FRK: variants seen among roughly 807,000 people sequenced by gnomAD.
The protein encoded by FRK is tyrosine-protein kinase FRK.
FRK carries 51 observed loss-of-function variants against 56.4 expected under a neutral mutation model. The observed-to-expected ratio is 0.90, with a 90% CI of 0.72 to 1.14. FRK has a LOEUF of 1.14. Ranked by LOEUF, FRK falls within the 50% of genes most tolerant of loss-of-function variation. FRK has a pLI of 0.00. For missense variants in FRK, 570 were observed against 601.4 expected (o/e 0.95, Z 0.55); for synonymous variants, 245 against 217.9 (o/e 1.12, Z -1.10).
At chr6:116,054,425 T>C (rs2114823553) in intron 1 of FRK, among the ~76,000 whole-genome samples, 1 of 145,282 alleles carries the variant, frequency 6.9e-6, no homozygotes, top group South Asian at 2.1e-4. Flanking sequence ...GTATTATTTA[T>C]ATAGTATATT....
chr6:115,960,306 C>A (rs1322451768), intron 4 of FRK, among the ~76,000 whole-genome samples: 1 of 150,934 alleles, frequency 6.6e-6, no homozygotes, highest in Non-Finnish European at 1.5e-5. Flanking sequence ...AAAATCGGGT[C>A]ACTCCCACCC....
At chr6:116,096,659 C>G in the FRK span, among the ~76,000 whole-genome samples, 10 of 151,886 alleles carry the variant, frequency 6.6e-5, no homozygotes, top group Non-Finnish European at 1.2e-4. Flanking sequence ...GACCAATCAG[C>G]ACTCTATAAA....
chr6:115,980,299 C>T (rs1023750796), intron 2 of FRK, among the ~76,000 whole-genome samples: 35 of 152,050 alleles, frequency 2.3e-4, no homozygotes, highest in Admixed American at 1.0e-3. Context: ...AATTCAGAGT[C>T]GTTTTTAAAA....
At chr6:116,025,827 C>T (rs964073607) in intron 1 of FRK, among the ~76,000 whole-genome samples, 1 of 152,132 alleles carries the variant, frequency 6.6e-6, no homozygotes, top group African/African-American at 2.4e-5. Context: ...AGCTATAGTT[C>T]TCTGTTTATG....
chr6:115,957,380 A>T (rs556595635), intron 4 of FRK, among the ~76,000 whole-genome samples: 22 of 152,350 alleles, frequency 1.4e-4, no homozygotes, highest in African/African-American at 5.1e-4. Flanking sequence ...AAGAGGAGGA[A>T]GATTATCTGG....
chr6:116,086,024 G>GA, the FRK span, among the ~76,000 whole-genome samples: 1 of 117,600 alleles, frequency 8.5e-6, no homozygotes, highest in African/African-American at 3.3e-5. Flanking sequence ...TTTTTTTTTT[G>GA]AGACAGAGTC....
intron 1 of FRK, among the ~76,000 whole-genome samples, chr6:116,021,360 A>T (rs1287710337): frequency 1.3e-5 from 2 of 152,130 alleles, no homozygotes; most frequent in Admixed American, 6.5e-5. Context: ...ATGTATCATG[A>T]GGAAACGTTT....
At chr6:116,023,142 A>C (rs1171750519) in intron 1 of FRK, among the ~76,000 whole-genome samples, 1 of 152,224 alleles carries the variant, frequency 6.6e-6, no homozygotes, top group Non-Finnish European at 1.5e-5. Flanking sequence ...TAACAAAAAA[A>C]CTAACAATAC....
chr6:115,973,350 T>C (rs1360757473), intron 2 of FRK, among the ~76,000 whole-genome samples: 1 of 151,246 alleles, frequency 6.6e-6, no homozygotes, highest in African/African-American at 2.4e-5. Context: ...TAAATGGGAG[T>C]TGAACAATGA....
the FRK span, among the ~76,000 whole-genome samples, chr6:116,087,626 C>A: frequency 6.6e-6 from 1 of 152,212 alleles, no homozygotes; most frequent in Non-Finnish European, 1.5e-5. Context: ...ACAGATGGAA[C>A]AGAAAGAGAA....
intron 5 of FRK, among the ~76,000 whole-genome samples, chr6:115,953,146 G>A (rs1257250147): frequency 6.7e-6 from 1 of 148,298 alleles, no homozygotes; most frequent in African/African-American, 2.5e-5. Flanking sequence ...TATCATGATG[G>A]GCTACTTAAG....
At chr6:115,995,911 T>G (rs367609923) in intron 2 of FRK, among the ~76,000 whole-genome samples, 2 of 152,290 alleles carry the variant, frequency 1.3e-5, no homozygotes, top group Admixed American at 6.5e-5. Flanking sequence ...GCAATGATAT[T>G]TGCAATTTAG....
At chr6:116,001,742 T>C (rs1458052616) in intron 2 of FRK, among the ~76,000 whole-genome samples, 1 of 152,206 alleles carries the variant, frequency 6.6e-6, no homozygotes, top group Non-Finnish European at 1.5e-5. Flanking sequence ...CCCTTTGTTC[T>C]CTGGAATGCA....
chr6:115,960,285 G>T (rs936221257), intron 4 of FRK, among the ~76,000 whole-genome samples: 2 of 150,946 alleles, frequency 1.3e-5, no homozygotes, highest in Non-Finnish European at 3.0e-5. Flanking sequence ...AGGGGTGACG[G>T]ACGCACCTGG....
the FRK span, among the ~76,000 whole-genome samples, chr6:116,083,560 A>G: frequency 8.7e-4 from 132 of 152,316 alleles, no homozygotes; most frequent in African/African-American, 3.0e-3. Flanking sequence ...ATGATTCTCA[A>G]ATTCTAATAT....
chr6:116,023,917 A>C (rs1005692238), intron 1 of FRK, among the ~76,000 whole-genome samples: 2 of 152,138 alleles, frequency 1.3e-5, no homozygotes, highest in African/African-American at 4.8e-5. Context: ...AGCTACATTT[A>C]ATTTTATAGC....
chr6:116,027,570 A>G (rs1404119928), intron 1 of FRK, among the ~76,000 whole-genome samples: 1 of 152,158 alleles, frequency 6.6e-6, no homozygotes, highest in Non-Finnish European at 1.5e-5. Context: ...AAAATCATCA[A>G]ATTATAAAAG....
At chr6:116,099,328 G>A in the FRK span, among the ~76,000 whole-genome samples, 1 of 152,174 alleles carries the variant, frequency 6.6e-6, no homozygotes, top group Non-Finnish European at 1.5e-5. Flanking sequence ...AGTACCTAAA[G>A]CACCTACTCC....
chr6:115,946,753 A>T (rs978859188), intron 5 of FRK, among the ~76,000 whole-genome samples: 7 of 152,254 alleles, frequency 4.6e-5, no homozygotes, highest in African/African-American at 1.7e-4. Context: ...AGAATCAGCC[A>T]GAAGAATATG....
Sources: gnomAD v4.1 joint callset for allele counts (sites outside exome capture counted in the v4.1 genomes callset) on GRCh38, gnomAD v4.1.1 for gene constraint, MANE v1.5 for transcripts, NCBI Gene and HGNC (gene_info 2026-07-23, HGNC 2026-07-21) for gene names.